Variants in HIVEP3 observed in about 807,000 individuals in gnomAD.
HIVEP3 encodes the protein transcription factor HIVEP3.
Under a neutral mutation model 152.8 loss-of-function variants are expected in HIVEP3, and 49 were observed. That is an observed-to-expected ratio of 0.32 (90% confidence interval 0.26 to 0.41). The LOEUF (loss-of-function observed/expected upper bound fraction) is 0.41, where lower values mean the gene tolerates loss of function less well. HIVEP3 is among the 10% of genes least tolerant of loss of function. The pLI, the probability that HIVEP3 is intolerant of heterozygous loss-of-function variation, is 1.00. For missense variants in HIVEP3, 2,790 were observed against 3,103.3 expected (o/e 0.90, Z 2.40); for synonymous variants, 1,269 against 1,289.0 (o/e 0.98, Z 0.33).
chr1:42,008,008 A>G (rs538967650), intron 1 of HIVEP3, among the ~76,000 whole-genome samples: 3 of 152,304 alleles, frequency 2.0e-5, no homozygotes, highest in South Asian at 2.1e-4. Flanking sequence ...AGACTCACCT[A>G]TATTCCTTCC....
intron 1 of HIVEP3, among the ~76,000 whole-genome samples, chr1:41,754,811 A>C (rs1296038968): frequency 1.3e-5 from 2 of 152,184 alleles, no homozygotes; most frequent in Non-Finnish European, 2.9e-5. Flanking sequence ...GGATGTGAAT[A>C]ATTTTTCAGT....
chr1:41,948,274 G>T (rs962858705), intron 1 of HIVEP3, among the ~76,000 whole-genome samples: 3 of 152,148 alleles, frequency 2.0e-5, no homozygotes. Context: ...GCCCTCACTC[G>T]GGCACTAGAA....
chr1:41,862,478 C>T (rs1226804083), intron 1 of HIVEP3, among the ~76,000 whole-genome samples: 1 of 152,034 alleles, frequency 6.6e-6, no homozygotes, highest in African/African-American at 2.4e-5. Flanking sequence ...TTTCTTTTCT[C>T]CTCCCCTCTC....
At chr1:41,892,898 T>C (rs975318109) in intron 1 of HIVEP3, among the ~76,000 whole-genome samples, 9 of 151,928 alleles carry the variant, frequency 5.9e-5, no homozygotes, top group African/African-American at 1.2e-4. Flanking sequence ...GGCGAGCAGA[T>C]TGCTTGAGCT....
chr1:41,534,395 C>G (rs539728620), intron 5 of HIVEP3, among the ~76,000 whole-genome samples: 1 of 151,954 alleles, frequency 6.6e-6, no homozygotes, highest in African/African-American at 2.4e-5. Context: ...TCACCTGGAG[C>G]CTTGCATCCC....
chr1:41,565,402 T>TG (rs1644145149), intron 5 of HIVEP3, among the ~76,000 whole-genome samples: 1 of 134,818 alleles, frequency 7.4e-6, no homozygotes, highest in Non-Finnish European at 1.6e-5. Flanking sequence ...GGTGGGTGGG[T>TG]GGGGGTTGGG....
intron 1 of HIVEP3, among the ~76,000 whole-genome samples, chr1:41,826,792 CAG>C (rs1280102539): frequency 6.6e-6 from 1 of 152,174 alleles, no homozygotes. Context: ...TTAATAAAAT[CAG>C]GGAGAAATGT....
chr1:42,028,055 T>C (rs1645592368), intron 1 of HIVEP3, among the ~76,000 whole-genome samples: 1 of 152,224 alleles, frequency 6.6e-6, no homozygotes, highest in African/African-American at 2.4e-5. Flanking sequence ...TGCTCAGATA[T>C]CACTTTATTA....
intron 3 of HIVEP3, among the ~76,000 whole-genome samples, chr1:41,611,581 A>T (rs1254905360): frequency 6.6e-6 from 1 of 152,240 alleles, no homozygotes; most frequent in Non-Finnish European, 1.5e-5. Context: ...TGAGACTGCA[A>T]GCCAAGGCAG....
chr1:42,033,904 G>C (rs1645627273), intron 1 of HIVEP3, among the ~76,000 whole-genome samples: 1 of 152,190 alleles, frequency 6.6e-6, no homozygotes, highest in African/African-American at 2.4e-5. Flanking sequence ...TATGTGACCT[G>C]AGTCAAGCAA....
intron 1 of HIVEP3, among the ~76,000 whole-genome samples, chr1:41,885,908 T>A (rs996046048): frequency 1.3e-5 from 2 of 151,788 alleles, no homozygotes; most frequent in South Asian, 4.2e-4. Flanking sequence ...ATAAAATGGA[T>A]CCTATTCTTC....
intron 3 of HIVEP3, among the ~76,000 whole-genome samples, chr1:41,586,194 C>G (rs1288192196): frequency 8.5e-5 from 13 of 152,194 alleles, no homozygotes; most frequent in Admixed American, 8.5e-4. Context: ...CAAAGTTGGT[C>G]TGCATATAGC....
intron 1 of HIVEP3, among the ~76,000 whole-genome samples, chr1:41,903,140 T>G (rs1644653968): frequency 6.6e-6 from 1 of 152,198 alleles, no homozygotes; most frequent in Non-Finnish European, 1.5e-5. Context: ...ACTGAACACC[T>G]GCTATGGATC....
chr1:41,518,534 C>T lies in HIVEP3; in HGVS notation c.5384-46G>A, dbSNP rs746272826. 4 of 1,541,244 alleles carry T rather than the reference C, an allele frequency of 2.6e-6. No homozygotes were observed. In the East Asian group the frequency reaches 6.7e-5, roughly 26 times the overall value. On this transcript the variant is annotated intron_variant, in intron 6 of 8. Coordinates refer to ENST00000372583, the MANE Select transcript of HIVEP3 (RefSeq NM_024503.5). The stretch of plus-strand genomic sequence containing the variant: ...TTAGGCTCTGCTATGGGGCAGGAGG[C>T]CAGGGCGGACCCAGGGCTCATGGAG...
chr1:41,753,685 A>ATAAG (rs1319571967), intron 1 of HIVEP3, among the ~76,000 whole-genome samples: 87 of 150,674 alleles, frequency 5.8e-4, no homozygotes, highest in African/African-American at 2.0e-3. Flanking sequence ...AAATAAATAA[A>ATAAG]TAAATAAATA....
At chr1:42,020,194 AT>A (rs1337096755) in intron 1 of HIVEP3, among the ~76,000 whole-genome samples, 2 of 152,066 alleles carry the variant, frequency 1.3e-5, no homozygotes, top group South Asian at 2.1e-4. Context: ...AGCTTTTGAT[AT>A]AATGTTTTTT....
At chr1:41,558,690 C>T (rs775451595) in intron 5 of HIVEP3, among the ~76,000 whole-genome samples, 16 of 152,204 alleles carry the variant, frequency 1.1e-4, no homozygotes, top group Non-Finnish European at 1.9e-4. Context: ...TGTCAGCTGC[C>T]TCCATTCCTT....
At chr1:41,713,910 C>A (rs546601059) in intron 1 of HIVEP3, among the ~76,000 whole-genome samples, 1 of 152,176 alleles carries the variant, frequency 6.6e-6, no homozygotes, top group South Asian at 2.1e-4. Flanking sequence ...GAGCTGAGAG[C>A]CCCCCGAAAC....
chr1:41,578,591 T>C (rs913343301), intron 4 of HIVEP3, among the ~76,000 whole-genome samples: 3 of 152,256 alleles, frequency 2.0e-5, no homozygotes, highest in Admixed American at 2.0e-4. Context: ...TTAGACCTAA[T>C]TTGGTCAGAG....
Sources: gnomAD v4.1 joint callset for allele counts (sites outside exome capture counted in the v4.1 genomes callset) on GRCh38, gnomAD v4.1.1 for gene constraint, MANE v1.5 for transcripts, NCBI Gene and HGNC (gene_info 2026-07-23, HGNC 2026-07-21) for gene names.